HECW1: variants seen among roughly 807,000 people sequenced by gnomAD.
HECW1 encodes E3 ubiquitin-protein ligase HECW1.
HECW1 carries 61 observed loss-of-function variants against 182.3 expected under a neutral mutation model. The observed-to-expected ratio is 0.33, with a 90% CI of 0.27 to 0.41. The LOEUF is 0.41. Ranked by LOEUF, HECW1 falls within the 10% of genes least tolerant of loss-of-function variation. The pLI, the probability that HECW1 is intolerant of heterozygous loss-of-function variation, is 1.00. For synonymous variants in HECW1, 859 were observed against 832.6 expected, an observed-to-expected ratio of 1.03 and a Z score of -0.55; for missense variants, 1,739 against 2,108.9, an observed-to-expected ratio of 0.82 and a Z score of 3.44.
chr7:43,306,202 A>G (rs917929841), intron 3 of HECW1, among the ~76,000 whole-genome samples: 1 of 152,210 alleles, frequency 6.6e-6, no homozygotes, highest in Non-Finnish European at 1.5e-5. Flanking sequence ...TGGCCTTGAT[A>G]ATGTTTTAAT....
At chr7:43,550,718 G>A in intron 27 of HECW1, 127 bp downstream of exon 27, 2 of 920,608 alleles carry the variant, frequency 2.2e-6, no homozygotes, top group Non-Finnish European at 3.3e-6. Context: ...GCCAAGGTGG[G>A]CAGTGGGCTC....
At chr7:43,500,140 G>A (rs1022160582) in intron 19 of HECW1, among the ~76,000 whole-genome samples, 6 of 146,306 alleles carry the variant, frequency 4.1e-5, no homozygotes, top group Non-Finnish European at 7.4e-5. Flanking sequence ...TTCCTCTGTC[G>A]CCCAGGCTGG....
At chr7:43,411,551 G>A (rs1288742382) in intron 8 of HECW1, among the ~76,000 whole-genome samples, 1 of 152,074 alleles carries the variant, frequency 6.6e-6, no homozygotes, top group Non-Finnish European at 1.5e-5. Context: ...TCTATGTCTA[G>A]CTGTTCTATC....
At position 43,268,448 on chromosome 7, in the gene HECW1, C is replaced by T. The variant is rs113065442; in HGVS notation, c.27+24516C>T. 7.4e-3 allele frequency among the ~76,000 whole-genome samples: 1,132 copies of T among 152,250 alleles called. 14 individuals carry two copies. The highest frequency in any genetic ancestry group is 0.026 in the African/African-American group (1,100 of 41,552). ...CACCTGGGGGTGATTTTGTCCCCCG[C>T]GGACATTTGGCAATGTCTGGAGACA... On this transcript the variant is annotated intron_variant, in intron 3 of 29. Coordinates refer to ENST00000395891, the MANE Select transcript of HECW1 (RefSeq NM_015052.5).
At chr7:43,298,915 A>G (rs1226927144) in intron 3 of HECW1, among the ~76,000 whole-genome samples, 2 of 152,216 alleles carry the variant, frequency 1.3e-5, no homozygotes, top group Non-Finnish European at 2.9e-5. Flanking sequence ...TCCGCATACA[A>G]GGTAAAAAAT....
At chr7:43,374,268 C>T (rs1243271138) in intron 6 of HECW1, among the ~76,000 whole-genome samples, 1 of 152,234 alleles carries the variant, frequency 6.6e-6, no homozygotes, top group Non-Finnish European at 1.5e-5. Flanking sequence ...GAAAATTACA[C>T]CTGTTCTCTA....
At chr7:43,308,534 T>C (rs1291170010) in intron 3 of HECW1, among the ~76,000 whole-genome samples, 1 of 151,528 alleles carries the variant, frequency 6.6e-6, no homozygotes, top group Non-Finnish European at 1.5e-5. Flanking sequence ...TGGAATACAA[T>C]TTTAAGTTCA....
At chr7:43,126,115 G>A (rs150029573) in intron 2 of HECW1, among the ~76,000 whole-genome samples, 3 of 130,184 alleles carry the variant, frequency 2.3e-5, no homozygotes, top group South Asian at 2.4e-4. Context: ...CTGTACTGAC[G>A]AGGATCACTT....
chr7:43,211,054 G>T (rs555326141), intron 2 of HECW1, among the ~76,000 whole-genome samples: 1 of 152,298 alleles, frequency 6.6e-6, no homozygotes, highest in South Asian at 2.1e-4. Context: ...GCTCTCAGGC[G>T]ATAGATGATT....
intron 2 of HECW1, among the ~76,000 whole-genome samples, chr7:43,187,851 A>G (rs1793552333): frequency 6.6e-6 from 1 of 152,052 alleles, no homozygotes; most frequent in African/African-American, 2.4e-5. Flanking sequence ...CTACCCCAAA[A>G]CTACACTAAA....
chr7:43,120,723 A>G (rs1185981028), intron 2 of HECW1, among the ~76,000 whole-genome samples: 3 of 152,068 alleles, frequency 2.0e-5, no homozygotes, highest in Non-Finnish European at 4.4e-5. Context: ...GGCTCACTAC[A>G]ACCTCCGCCT....
chr7:43,539,527 A>G (rs1365532666), intron 24 of HECW1, among the ~76,000 whole-genome samples: 4 of 152,236 alleles, frequency 2.6e-5, no homozygotes, highest in Non-Finnish European at 5.9e-5. Context: ...TTTGTAATTC[A>G]TTGAGATATT....
At chr7:43,154,720 C>T (rs964137714) in intron 2 of HECW1, among the ~76,000 whole-genome samples, 3 of 152,196 alleles carry the variant, frequency 2.0e-5, no homozygotes, top group African/African-American at 4.8e-5. Flanking sequence ...TTAAGCCACA[C>T]TGCGCTGTTT....
chr7:43,396,737 A>G, intron 6 of HECW1, 77 bp from the exon 7 acceptor site: 2 of 954,678 alleles, frequency 2.1e-6, no homozygotes, highest in Non-Finnish European at 3.4e-6. Context: ...CACTGTGAAT[A>G]ACCATGCTTG....
At chr7:43,414,484 A>G (rs1239721586) in intron 8 of HECW1, among the ~76,000 whole-genome samples, 2 of 150,266 alleles carry the variant, frequency 1.3e-5, no homozygotes, top group Non-Finnish European at 1.5e-5. Context: ...CAGAACTTCC[A>G]ATACTATGTT....
At chr7:43,410,418 T>C (rs910824565) in intron 8 of HECW1, among the ~76,000 whole-genome samples, 2 of 152,052 alleles carry the variant, frequency 1.3e-5, no homozygotes, top group African/African-American at 4.8e-5. Context: ...CCTCTAAACG[T>C]AATGACCTCC....
chr7:43,264,650 C>T (rs1801554516), intron 3 of HECW1, among the ~76,000 whole-genome samples: 2 of 152,082 alleles, frequency 1.3e-5, no homozygotes, highest in South Asian at 2.1e-4. Flanking sequence ...CCAAGACCAT[C>T]CTGGCTAACA....
intron 2 of HECW1, among the ~76,000 whole-genome samples, chr7:43,124,716 T>C (rs1444376788): frequency 6.6e-6 from 1 of 152,188 alleles, no homozygotes; most frequent in African/African-American, 2.4e-5. Flanking sequence ...GCCAGGAGCT[T>C]ACCCTGGTTG....
In HECW1 at chr7:43,444,126, C is replaced by T; in HGVS notation, c.1046-92C>T. 7.9e-7 allele frequency: 1 copy of T among 1,268,586 alleles called. No homozygotes were observed. Among genetic ancestry groups the T allele is most frequent in the Admixed American group, 2.4e-5 (1 of 41,366 alleles). The allele number at this position is 1,268,586 out of a possible 1,614,324, so 78.6% of individuals were successfully genotyped here. A position where few individuals can be genotyped will look rare whatever the true frequency, so the allele number is the denominator to read the frequency against. ...ACATTCAATATCCTAATGTAGAAATCCCTTAGTGATGGCTTACATGTCCCA... is the reference window on the plus strand; with the variant it reads ...ACATTCAATATCCTAATGTAGAAATTCCTTAGTGATGGCTTACATGTCCCA... On this transcript the variant is annotated intron_variant, in intron 10 of 29. Transcript: ENST00000395891. The surrounding 1 kb of genome is among the most constrained non-coding windows in gnomAD (Gnocchi z 4.3).
Sources: allele counts gnomAD v4.1 joint callset (sites outside exome capture counted in the v4.1 genomes callset), GRCh38; gene constraint gnomAD v4.1.1; non-coding constraint Gnocchi (gnomAD v3.1); transcripts MANE v1.5; gene names NCBI Gene and HGNC (gene_info 2026-07-23, HGNC 2026-07-21).